The following DUXA variants were observed in gnomAD, a reference collection of about 807,000 sequenced individuals.
The protein encoded by DUXA is double homeobox protein A.
DUXA carries 25 observed loss-of-function variants against 27.5 expected under a neutral mutation model. That is an observed-to-expected ratio of 0.91 (90% confidence interval 0.66 to 1.27). DUXA has a LOEUF of 1.27. Ranked by LOEUF, DUXA falls within the 50% of genes most tolerant of loss-of-function variation. The pLI is 0.00. For synonymous variants in DUXA, 90 were observed against 80.5 expected, an observed-to-expected ratio of 1.12 and a Z score of -0.63; for missense variants, 247 against 242.9, an observed-to-expected ratio of 1.02 and a Z score of -0.11.
In DUXA at chr19:57,154,419, G is replaced by T; in HGVS notation, c.608C>A (p.Thr203Lys). Residue 203 changes from threonine (T) to lysine (K), a missense_variant, in exon 6 of 6, where the codon ACG becomes AAG. Transcript: ENST00000554048. ...TSDSHFSGAR[T>K]W ...CACTGAATTTGACTGTGTTCACCAC[G>T]TTCTGGCTCCAGAGAAATGAGAGTC... The T allele has an allele frequency of 6.2e-7, 1 of 1,613,512 alleles. No individual in the cohort carries two copies. Among genetic ancestry groups the T allele is most frequent in the African/African-American group, 1.3e-5 (1 of 75,034 alleles).
intron 4 of DUXA, among the ~76,000 whole-genome samples, chr19:57,157,769 T>C (rs1465405890): frequency 6.6e-6 from 1 of 151,844 alleles, no homozygotes; most frequent in Admixed American, 6.6e-5. Flanking sequence ...GGAGGGTGGA[T>C]CACCTGAGGC....
intron 1 of DUXA, among the ~76,000 whole-genome samples, chr19:57,164,488 T>A (rs1348717723): frequency 6.6e-6 from 1 of 152,086 alleles, no homozygotes; most frequent in Non-Finnish European, 1.5e-5. Context: ...GGCGAGAGAA[T>A]CGCTTGAACC....
rs771505813 is a variant in DUXA, at chr19:57,160,798, C to T, written c.26-1G>A. On this transcript the variant is annotated splice_acceptor_variant, in intron 1 of 5. Coordinates refer to ENST00000554048, the MANE Select transcript of DUXA (RefSeq NM_001012729.2). LOFTEE classifies it high-confidence loss of function. ...CGCCTATGATTTGTTTTTACCATCTCTGTAGGAAGATTACAAAAGAAGAAG... is the reference window on the plus strand; with the variant it reads ...CGCCTATGATTTGTTTTTACCATCTTTGTAGGAAGATTACAAAAGAAGAAG... The T allele has an allele frequency of 1.9e-6, 3 of 1,613,530 alleles. No individual in the cohort carries two copies. In the South Asian group the frequency reaches 3.3e-5, roughly 18 times the overall value.
rs56302406 is a variant in DUXA at position 57,163,711 on chromosome 19, G to T, written c.26-2914C>A. Among the ~76,000 whole-genome samples, 1,114 of 152,182 alleles carry T rather than the reference G, an allele frequency of 7.3e-3. 6 individuals carry two copies. Among genetic ancestry groups the T allele is most frequent in the Non-Finnish European group, 0.011 (740 of 68,004 alleles). On this transcript the variant is annotated intron_variant, in intron 1 of 5. Coordinates refer to ENST00000554048, the MANE Select transcript of DUXA (RefSeq NM_001012729.2). The stretch of plus-strand genomic sequence containing the variant: ...CCCAAAGTGCTGGGATTACAGGTGT[G>T]AGCCACCATGCCTGGCCAATTTCTT...
rs953200366 is a variant in DUXA at position 57,154,437 on chromosome 19, T to G, written c.590A>C (p.His197Pro). The G allele has an allele frequency of 6.2e-7, 1 of 1,613,716 alleles. No individual in the cohort carries two copies. The highest frequency in any genetic ancestry group is 1.7e-5 in the Admixed American group (1 of 60,020). The change falls in exon 6 of 6, where the codon CAT becomes CCT. Residue 197 changes from histidine (H) to proline (P), a missense_variant. His to Pro is a moderately conservative substitution (Grantham distance 77, BLOSUM62 -2). Transcript: ENST00000554048. The part of the protein sequence containing the change: ...QNGTNFTSDS[H>P]FSGARTW ...TCACCACGTTCTGGCTCCAGAGAAA[T>G]GAGAGTCACTAGTGAAGTTGGTGCC...
chr19:57,161,096 T>G (rs986066187), intron 1 of DUXA, among the ~76,000 whole-genome samples: 1 of 150,560 alleles, frequency 6.6e-6, no homozygotes, highest in Admixed American at 6.6e-5. Flanking sequence ...GAGGTCAAGG[T>G]GGTCAGATCA....
At chr19:57,157,867 A>G (rs1395169518) in intron 4 of DUXA, among the ~76,000 whole-genome samples, 2 of 151,852 alleles carry the variant, frequency 1.3e-5, no homozygotes, top group Non-Finnish European at 2.9e-5. Context: ...GGTGGCACAC[A>G]CCTGTAATCC....
At chr19:57,163,850 C>A (rs12609681) in intron 1 of DUXA, among the ~76,000 whole-genome samples, 44,162 of 152,086 alleles carry the variant, frequency 0.29, 6,660 homozygotes, top group African/African-American at 0.35. Context: ...AGTTTCCAAC[C>A]CATTATCTTA....
chr19:57,155,351 AT>A lies in DUXA; in HGVS notation c.459del (p.Arg153SerfsTer16), dbSNP rs1470943862. 6.2e-7 allele frequency: 1 copy of A among 1,614,054 alleles called. No individual in the cohort carries two copies. Among genetic ancestry groups the A allele is most frequent in the African/African-American group, 1.3e-5 (1 of 74,930 alleles). On this transcript the variant is annotated frameshift_variant, in exon 5 of 6. Coordinates refer to ENST00000554048, the MANE Select transcript of DUXA (RefSeq NM_001012729.2). LOFTEE classifies it high-confidence loss of function. Reference protein sequence around the residue: ...SRVQIWFQNRRSRLLLQRKRE... With the variant: ...SRVQIWFQNRXSRLLLQRKRE... ...CTTTTTCTCTGGAGAAGTAATCTAGATCTTCGATTTTGGAACCAAATCTAAG... is the reference window on the plus strand; with the variant it reads ...CTTTTTCTCTGGAGAAGTAATCTAGACTTCGATTTTGGAACCAAATCTAAG...
chr19:57,163,829 C>T (rs1253468050), intron 1 of DUXA, among the ~76,000 whole-genome samples: 4 of 152,198 alleles, frequency 2.6e-5, no homozygotes, highest in Non-Finnish European at 4.4e-5. Context: ...TTTTGTCTTA[C>T]ATTTTTTTCA....
intron 4 of DUXA, among the ~76,000 whole-genome samples, chr19:57,157,794 C>G (rs1358678161): frequency 6.6e-6 from 1 of 151,988 alleles, no homozygotes; most frequent in Non-Finnish European, 1.5e-5. Flanking sequence ...AGTTCAAGAT[C>G]AGACTGGGCA....
At chr19:57,162,831 A>C (rs139449902) in intron 1 of DUXA, among the ~76,000 whole-genome samples, 113 of 152,134 alleles carry the variant, frequency 7.4e-4, no homozygotes, top group African/African-American at 2.4e-3. Context: ...ACCTTGGCCT[A>C]CCACATTGCT....
intron 1 of DUXA, 139 bp downstream of exon 1, chr19:57,167,280 G>C (rs1408571362): frequency 2.6e-5 from 27 of 1,050,242 alleles, no homozygotes; most frequent in African/African-American, 6.4e-5. Flanking sequence ...TATCACATCA[G>C]AGAAACCGGT....
intron 1 of DUXA, among the ~76,000 whole-genome samples, chr19:57,161,377 A>G (rs184231854): frequency 0.015 from 2,066 of 142,130 alleles, 74 homozygotes; most frequent in South Asian, 0.082. Flanking sequence ...TAATCCCAGC[A>G]CTTTGGGAGG....
chr19:57,157,870 T>C (rs1399833895), intron 4 of DUXA, among the ~76,000 whole-genome samples: 1 of 151,872 alleles, frequency 6.6e-6, no homozygotes, highest in Non-Finnish European at 1.5e-5. Flanking sequence ...GGCACACACC[T>C]GTAATCCTAG....
chr19:57,156,493 C>G (rs952706184), intron 4 of DUXA, among the ~76,000 whole-genome samples: 1 of 152,170 alleles, frequency 6.6e-6, no homozygotes, highest in Non-Finnish European at 1.5e-5. Context: ...CCTCAACCTC[C>G]TGGGCTCAAG....
intron 1 of DUXA, among the ~76,000 whole-genome samples, chr19:57,165,302 G>T (rs2087045498): frequency 1.2e-5 from 1 of 81,800 alleles, no homozygotes; most frequent in African/African-American, 4.4e-5. Flanking sequence ...CTACATTTCT[G>T]GAGTAGGAAA....
rs1555759590 is a variant in DUXA at position 57,165,324 on chromosome 19, A to ATATAT, written c.25+2094_25+2095insATATA. On this transcript the variant is annotated intron_variant, in intron 1 of 5. Transcript: ENST00000554048. ...TCTGGAGTAGGAAAAAAAAAAAAAAAATATATATATATATATATATGTATA... is the reference window on the plus strand; with the variant it reads ...TCTGGAGTAGGAAAAAAAAAAAAAAATATATATATATATATATATATATATGTATA... Among the ~76,000 whole-genome samples the ATATAT allele has an allele frequency of 5.4e-3, 486 of 89,202 alleles. 3 individuals carry two copies. The highest frequency in any genetic ancestry group is 7.1e-3 in the Non-Finnish European group (313 of 43,796). 58.5% of individuals were successfully genotyped at this position (89,202 alleles called of 152,430 possible). A position where few individuals can be genotyped will look rare whatever the true frequency, so the allele number is the denominator to read the frequency against.
intron 3 of DUXA, among the ~76,000 whole-genome samples, chr19:57,158,854 G>A (rs762517106): frequency 3.9e-5 from 6 of 152,124 alleles, no homozygotes; most frequent in South Asian, 2.1e-4. Flanking sequence ...ATAGTGGCGC[G>A]CACCTGTAAA....
Sources: gnomAD v4.1 joint callset for allele counts (sites outside exome capture counted in the v4.1 genomes callset) on GRCh38, gnomAD v4.1.1 for gene constraint, MANE v1.5 for transcripts, NCBI Gene and HGNC (gene_info 2026-07-23, HGNC 2026-07-21) for gene names.